The following SPTBN1 variants were observed in gnomAD, a reference collection of about 807,000 sequenced individuals.
SPTBN1 encodes the protein spectrin beta, non-erythrocytic 1.
A neutral mutation model predicts 266.4 loss-of-function variants in SPTBN1; 32 were observed. The observed-to-expected ratio is 0.12, with a 90% CI of 0.09 to 0.16. The LOEUF (loss-of-function observed/expected upper bound fraction) is 0.16. Ranked by LOEUF, SPTBN1 falls within the 10% of genes least tolerant of loss-of-function variation. SPTBN1 has a pLI of 1.00. For synonymous variants in SPTBN1, 1,336 were observed against 1,162.2 expected, an observed-to-expected ratio of 1.15 and a Z score of -3.04; for missense variants, 2,296 against 3,067.1, an observed-to-expected ratio of 0.75 and a Z score of 5.94.
intron 1 of SPTBN1, among the ~76,000 whole-genome samples, chr2:54,499,928 T>C (rs1669161881): frequency 6.6e-6 from 1 of 152,250 alleles, no homozygotes; most frequent in Non-Finnish European, 1.5e-5. Context: ...CTGGGTACTT[T>C]CCAATGGAGG....
intron 2 of SPTBN1, among the ~76,000 whole-genome samples, chr2:54,562,778 G>C (rs1046127095): frequency 6.7e-6 from 1 of 149,982 alleles, no homozygotes; most frequent in Non-Finnish European, 1.5e-5. Flanking sequence ...AACTGGTCTT[G>C]AACTCATGAG....
Position 54,670,504 on chromosome 2 carries a change from C to T in SPTBN1, c.*1935C>T, listed in dbSNP as rs1398693161. 1 of 393,868 alleles carries T rather than the reference C, an allele frequency of 2.5e-6. No individual in the cohort carries two copies. Among genetic ancestry groups the T allele is most frequent in the African/African-American group, 2.1e-5 (1 of 48,576 alleles). The allele number at this position is 393,868 out of a possible 1,614,324, so 24.4% of individuals were successfully genotyped here. A position where few individuals can be genotyped will look rare whatever the true frequency, so the allele number is the denominator to read the frequency against. ...AGGCAAACTGAGACCTCACCATCCTCTCCCCTGCTTCCCACGACAGTCCTT... is the reference window on the plus strand; with the variant it reads ...AGGCAAACTGAGACCTCACCATCCTTTCCCCTGCTTCCCACGACAGTCCTT... On this transcript the variant is annotated 3_prime_UTR_variant, in exon 36 of 36. Coordinates refer to ENST00000356805, the MANE Select transcript of SPTBN1 (RefSeq NM_003128.3).
intron 1 of SPTBN1, among the ~76,000 whole-genome samples, chr2:54,522,112 G>C (rs1231827614): frequency 6.6e-6 from 1 of 151,546 alleles, no homozygotes; most frequent in Non-Finnish European, 1.5e-5. Flanking sequence ...GTGTTGTCCA[G>C]TCTGGTCTTT....
intron 31 of SPTBN1, 147 bp from the exon 32 acceptor site, chr2:54,659,789 G>A: frequency 6.9e-7 from 1 of 1,440,980 alleles, no homozygotes; most frequent in Non-Finnish European, 9.1e-7. Context: ...TAAAACACTT[G>A]GAAGTTTCAG....
intron 26 of SPTBN1, among the ~76,000 whole-genome samples, chr2:54,651,257 T>A (rs1680261843): frequency 6.6e-6 from 1 of 152,162 alleles, no homozygotes; most frequent in Non-Finnish European, 1.5e-5. Context: ...TTTCATTAAA[T>A]CCCTTCACCT....
chr2:54,664,409 C>T lies in SPTBN1; in HGVS notation c.6421-44C>T. The T allele has an allele frequency of 6.3e-7, 1 of 1,581,530 alleles. No individual in the cohort carries two copies. The highest frequency in any genetic ancestry group is 8.6e-7 in the Non-Finnish European group (1 of 1,156,318). On this transcript the variant is annotated intron_variant, in intron 32 of 35. Transcript: ENST00000356805. This position sits in a 1 kb window ranked among gnomAD's most constrained non-coding sequence, Gnocchi z 5.6. ...CAGGTAGAGCGTATGTGGTCACCCC[C>T]ATGGCTCACGGAGTTAGCTGAATGG... is the stretch of plus-strand genomic sequence containing the variant.
chr2:54,670,757 G>GTT lies in SPTBN1; in HGVS notation c.*2189_*2190dup, dbSNP rs1244884104. Reference sequence around the variant, plus strand: ...AATTTCAACAGTTCGCAGATCTGTAGTTATGAAGCCAGGGTTTGGTGGTAT... The same window carrying GTT: ...AATTTCAACAGTTCGCAGATCTGTAGTTTTATGAAGCCAGGGTTTGGTGGTAT... On this transcript the variant is annotated 3_prime_UTR_variant, in exon 36 of 36. Transcript: ENST00000356805. 1 of 398,460 alleles carries GTT rather than the reference G, an allele frequency of 2.5e-6. No individual in the cohort carries two copies. The allele number at this position is 398,460 out of a possible 1,614,324, so 24.7% of individuals were successfully genotyped here.
intron 1 of SPTBN1, among the ~76,000 whole-genome samples, chr2:54,463,677 T>C (rs1044783099): frequency 1.3e-5 from 2 of 152,260 alleles, no homozygotes; most frequent in Admixed American, 1.3e-4. Context: ...GATTATAAAA[T>C]GTGGAATTTT....
intron 2 of SPTBN1, among the ~76,000 whole-genome samples, chr2:54,594,764 T>C (rs557718791): frequency 6.6e-6 from 1 of 152,050 alleles, no homozygotes; most frequent in African/African-American, 2.4e-5. Context: ...GAAAGAGAAG[T>C]GATTTACATA....
chr2:54,581,117 A>G (rs1033932839), intron 2 of SPTBN1, among the ~76,000 whole-genome samples: 5 of 152,058 alleles, frequency 3.3e-5, no homozygotes, highest in African/African-American at 7.2e-5. Context: ...GAAAAAATAT[A>G]TAAATATATA....
intron 1 of SPTBN1, among the ~76,000 whole-genome samples, chr2:54,495,975 T>A (rs977812455): frequency 6.6e-6 from 1 of 152,176 alleles, no homozygotes; most frequent in African/African-American, 2.4e-5. Context: ...TTTAACTAAA[T>A]GAAGGGAGGA....
At chr2:54,552,125 T>G (rs1672606370) in intron 2 of SPTBN1, among the ~76,000 whole-genome samples, 1 of 152,178 alleles carries the variant, frequency 6.6e-6, no homozygotes, top group South Asian at 2.1e-4. Context: ...GTGGTCACCC[T>G]TGTTCCCAGC....
At chr2:54,501,772 C>A (rs1669281896) in intron 1 of SPTBN1, among the ~76,000 whole-genome samples, 1 of 152,182 alleles carries the variant, frequency 6.6e-6, no homozygotes, top group Non-Finnish European at 1.5e-5. Flanking sequence ...AGAGTTACCA[C>A]CCCTGCCTGG....
intron 17 of SPTBN1, among the ~76,000 whole-genome samples, chr2:54,635,978 TG>T (rs1324973364): frequency 2.0e-5 from 3 of 152,364 alleles, no homozygotes; most frequent in South Asian, 2.1e-4. Context: ...TGATGATAGA[TG>T]GCAATGGCAT....
chr2:54,572,916 C>T (rs772223020), intron 2 of SPTBN1, among the ~76,000 whole-genome samples: 7 of 152,114 alleles, frequency 4.6e-5, no homozygotes, highest in Non-Finnish European at 1.0e-4. Flanking sequence ...GTGTGACCCA[C>T]GGCCCAGGAG....
At chr2:54,573,525 C>T (rs909969394) in intron 2 of SPTBN1, among the ~76,000 whole-genome samples, 5 of 152,176 alleles carry the variant, frequency 3.3e-5, no homozygotes, top group African/African-American at 1.2e-4. Context: ...GGACCAATAC[C>T]GGTCTGTGAC....
intron 2 of SPTBN1, among the ~76,000 whole-genome samples, chr2:54,557,010 T>C (rs182290071): frequency 9.5e-4 from 145 of 152,342 alleles, no homozygotes; most frequent in African/African-American, 3.2e-3. Context: ...TTGGCAGCAC[T>C]TAGGGGCTTT....
intron 2 of SPTBN1, among the ~76,000 whole-genome samples, chr2:54,596,155 C>G (rs562669525): frequency 1.3e-5 from 2 of 152,180 alleles, no homozygotes; most frequent in African/African-American, 4.8e-5. Flanking sequence ...TGGAAGCACT[C>G]CTGGATTGCC....
chr2:54,660,050 A>G (rs766883714), intron 32 of SPTBN1, 51 bp downstream of exon 32: 6 of 1,614,118 alleles, frequency 3.7e-6, no homozygotes, highest in African/African-American at 1.3e-5. Context: ...TTAATAGCAG[A>G]CGGACAGCCA....
Sources: gnomAD v4.1 joint callset for allele counts (sites outside exome capture counted in the v4.1 genomes callset) on GRCh38, gnomAD v4.1.1 for gene constraint, Gnocchi (gnomAD v3.1) non-coding constraint, MANE v1.5 for transcripts, NCBI Gene and HGNC (gene_info 2026-07-23, HGNC 2026-07-21) for gene names.